FAF1: variants seen among roughly 807,000 people sequenced by gnomAD.
The protein encoded by FAF1 is FAS-associated factor 1.
A neutral mutation model predicts 92.5 loss-of-function variants in FAF1; 25 were observed. The observed-to-expected ratio is 0.27, with a 90% confidence interval of 0.20 to 0.38. The LOEUF is 0.38. Among genes scored for constraint, FAF1 ranks in the 10% least tolerant of loss-of-function variants. The pLI is 1.00. For missense variants in FAF1, 636 were observed against 793.3 expected (o/e 0.80, Z 2.38); for synonymous variants, 234 against 273.2 (o/e 0.86, Z 1.42).
chr1:50,543,407 A>G (rs1166539217), intron 13 of FAF1, among the ~76,000 whole-genome samples: 1 of 152,198 alleles, frequency 6.6e-6, no homozygotes, highest in Non-Finnish European at 1.5e-5. Context: ...CAACTACTCT[A>G]TTTAAGGGTT....
chr1:50,479,545 G>T (rs767965475), intron 17 of FAF1, among the ~76,000 whole-genome samples: 1 of 152,002 alleles, frequency 6.6e-6, no homozygotes, highest in Non-Finnish European at 1.5e-5. Context: ...ATTCCTTTTC[G>T]CCTACTTTAA....
chr1:50,461,801 A>G (rs566562869), intron 18 of FAF1, among the ~76,000 whole-genome samples: 1 of 151,654 alleles, frequency 6.6e-6, no homozygotes, highest in South Asian at 2.1e-4. Context: ...ACATTGTTTG[A>G]TATCTTTACT....
intron 2 of FAF1, among the ~76,000 whole-genome samples, chr1:50,839,424 T>C (rs1644238769): frequency 6.6e-6 from 1 of 152,194 alleles, no homozygotes; most frequent in Non-Finnish European, 1.5e-5. Context: ...TATAAATTAC[T>C]ATTTCTCCAG....
At position 50,441,237 on chromosome 1, in the gene FAF1, A is replaced by T; in HGVS notation, c.*203T>A. On this transcript the variant is annotated 3_prime_UTR_variant, in exon 19 of 19. Transcript: ENST00000396153. ...GGTGGCAGAGTTGTAATTCTCTGTA[A>T]TAAGGGTTGGGAATATATACTCATG... The T allele has an allele frequency of 2.1e-6, 1 of 466,290 alleles. No homozygotes were observed. The highest frequency in any genetic ancestry group is 2.0e-5 in the African/African-American group (1 of 50,412). 28.9% of individuals were successfully genotyped at this position (466,290 alleles called of 1,614,324 possible).
At chr1:50,464,157 AT>A (rs1057089290) in intron 18 of FAF1, among the ~76,000 whole-genome samples, 11 of 152,108 alleles carry the variant, frequency 7.2e-5, no homozygotes, top group South Asian at 6.2e-4. Context: ...ACCTCACTTA[AT>A]TCTTTATTTT....
chr1:50,802,277 A>G (rs1439185557), intron 2 of FAF1, among the ~76,000 whole-genome samples: 1 of 152,128 alleles, frequency 6.6e-6, no homozygotes, highest in Non-Finnish European at 1.5e-5. Flanking sequence ...TTTAGTAGAG[A>G]CAGGGTTTCT....
At chr1:50,491,690 C>A (rs778144158) in intron 16 of FAF1, 31 bp downstream of exon 16, 5 of 1,519,306 alleles carry the variant, frequency 3.3e-6, no homozygotes, top group African/African-American at 1.4e-5. Context: ...CAATTGAGTT[C>A]TTTATCCCAG....
intron 6 of FAF1, among the ~76,000 whole-genome samples, chr1:50,723,378 C>T (rs1658493073): frequency 6.9e-6 from 1 of 144,284 alleles, no homozygotes. Flanking sequence ...CCAGCCTGTG[C>T]AACAGAGCAA....
intron 5 of FAF1, among the ~76,000 whole-genome samples, chr1:50,739,371 C>T (rs1659287322): frequency 6.6e-6 from 1 of 150,872 alleles, no homozygotes; most frequent in African/African-American, 2.5e-5. Flanking sequence ...TGTACACGTA[C>T]ATACATATAC....
At chr1:50,742,408 G>A (rs912319363) in intron 5 of FAF1, among the ~76,000 whole-genome samples, 1 of 151,812 alleles carries the variant, frequency 6.6e-6, no homozygotes, top group Non-Finnish European at 1.5e-5. Context: ...GGGGGAGAGA[G>A]ACTCTTGCTC....
intron 1 of FAF1, among the ~76,000 whole-genome samples, chr1:50,917,886 G>GA (rs781186583): frequency 6.6e-6 from 1 of 152,178 alleles, no homozygotes; most frequent in African/African-American, 2.4e-5. Flanking sequence ...TAAGCTGAGA[G>GA]AAAAAAGCCA....
intron 8 of FAF1, among the ~76,000 whole-genome samples, chr1:50,619,565 C>T (rs932582998): frequency 8.5e-5 from 13 of 152,172 alleles, no homozygotes; most frequent in African/African-American, 3.1e-4. Flanking sequence ...CCCCAAATCT[C>T]TTTTAGCTTG....
chr1:50,450,451 C>T (rs77542636), intron 18 of FAF1, among the ~76,000 whole-genome samples: 4,523 of 152,272 alleles, frequency 0.03, 222 homozygotes, highest in African/African-American at 0.1. Context: ...TTACCCTTCA[C>T]TGCCTCTCAA....
intron 2 of FAF1, among the ~76,000 whole-genome samples, chr1:50,839,734 T>G (rs1644240873): frequency 6.6e-6 from 1 of 151,976 alleles, no homozygotes; most frequent in Non-Finnish European, 1.5e-5. Flanking sequence ...GAAAGAAAAA[T>G]ATCTGGACAT....
intron 6 of FAF1, among the ~76,000 whole-genome samples, chr1:50,735,570 T>TG (rs1424277790): frequency 5.3e-5 from 8 of 152,194 alleles, no homozygotes; most frequent in African/African-American, 1.9e-4. Context: ...CACCCCCTAG[T>TG]GGCAGTAAAA....
chr1:50,502,221 G>C (rs1647000117), intron 15 of FAF1, among the ~76,000 whole-genome samples: 1 of 152,196 alleles, frequency 6.6e-6, no homozygotes, highest in Non-Finnish European at 1.5e-5. Context: ...GAGACTCAAA[G>C]GAAGAGTGTG....
intron 1 of FAF1, among the ~76,000 whole-genome samples, chr1:50,872,148 T>C (rs552513328): frequency 1.3e-5 from 2 of 152,244 alleles, no homozygotes; most frequent in South Asian, 4.1e-4. Flanking sequence ...CTTATGGATC[T>C]GGGCAAAGTA....
At chr1:50,761,888 G>T (rs1371923643) in intron 4 of FAF1, among the ~76,000 whole-genome samples, 6 of 152,114 alleles carry the variant, frequency 3.9e-5, no homozygotes, top group African/African-American at 1.2e-4. Context: ...AGGAAAAGAG[G>T]AAGTCAAATT....
intron 4 of FAF1, among the ~76,000 whole-genome samples, chr1:50,757,077 C>T (rs1660105320): frequency 1.3e-5 from 2 of 152,140 alleles, no homozygotes; most frequent in Admixed American, 1.3e-4. Context: ...ATTCCAAATT[C>T]TTGTGATTTC....
Sources: allele counts gnomAD v4.1 joint callset (sites outside exome capture counted in the v4.1 genomes callset), GRCh38; gene constraint gnomAD v4.1.1; transcripts MANE v1.5; gene names NCBI Gene and HGNC (gene_info 2026-07-23, HGNC 2026-07-21).